TMEM132C: variants seen among roughly 807,000 people sequenced by gnomAD.
TMEM132C encodes protein phosphatase 1, regulatory subunit 152.
A neutral mutation model predicts 61.4 loss-of-function variants in TMEM132C; 29 were observed. The observed-to-expected ratio is 0.47, with a 90% confidence interval of 0.35 to 0.64. The LOEUF is 0.64. Among genes scored for constraint, TMEM132C ranks in the 30% least tolerant of loss-of-function variants. The probability of loss-of-function intolerance (pLI) is 0.00; values close to 1 mark genes in which losing one functional copy is unlikely to be tolerated. For missense variants in TMEM132C, 1,408 were observed against 1,476.9 expected (o/e 0.95, Z 0.76); for synonymous variants, 656 against 633.1 (o/e 1.04, Z -0.54).
chr12:128,350,344 T>G (rs190234935), intron 1 of TMEM132C, among the ~76,000 whole-genome samples: 1 of 150,988 alleles, frequency 6.6e-6, no homozygotes, highest in African/African-American at 2.4e-5. Flanking sequence ...GTGCTGGGAG[T>G]GAGAAGGGCT....
intron 4 of TMEM132C, among the ~76,000 whole-genome samples, chr12:128,617,726 A>T (rs1337110387): frequency 6.6e-6 from 1 of 151,992 alleles, no homozygotes; most frequent in Non-Finnish European, 1.5e-5. Context: ...AGGTGGGGCA[A>T]GTGTGGAATG....
At chr12:128,324,587 C>T (rs1480865143) in intron 1 of TMEM132C, among the ~76,000 whole-genome samples, 7 of 152,120 alleles carry the variant, frequency 4.6e-5, no homozygotes, top group Non-Finnish European at 5.9e-5. Context: ...GGGCCAAGGG[C>T]GGTGGCTCAC....
At chr12:128,639,296 ATGATGATGGTGATGATGGTATGATGG>A (rs1450173688) in intron 4 of TMEM132C, among the ~76,000 whole-genome samples, 1 of 148,810 alleles carries the variant, frequency 6.7e-6, no homozygotes, top group Non-Finnish European at 1.5e-5. Flanking sequence ...AATGGTGATG[ATGATGATGGTGATGATGGTATGATGG>A]TGATGATGGT....
At chr12:128,292,658 G>A (rs796765607) in intron 1 of TMEM132C, among the ~76,000 whole-genome samples, 26 of 85,536 alleles carry the variant, frequency 3.0e-4, no homozygotes, top group African/African-American at 1.1e-3. Flanking sequence ...TCCTAGATGA[G>A]GTATTCATAA....
intron 4 of TMEM132C, among the ~76,000 whole-genome samples, chr12:128,660,352 G>A (rs1417092615): frequency 2.0e-5 from 3 of 148,520 alleles, no homozygotes; most frequent in Non-Finnish European, 4.4e-5. Flanking sequence ...AGTTCTATAG[G>A]AGAAGTTTCT....
intron 4 of TMEM132C, among the ~76,000 whole-genome samples, chr12:128,642,988 T>C (rs1325603626): frequency 6.6e-6 from 1 of 152,186 alleles, no homozygotes; most frequent in Non-Finnish European, 1.5e-5. Context: ...GTTTGTGTCT[T>C]CTGATGCCCG....
intron 1 of TMEM132C, among the ~76,000 whole-genome samples, chr12:128,269,347 C>CGCGTGTGTGTGT (rs1555248769): frequency 7.0e-6 from 1 of 143,050 alleles, no homozygotes; most frequent in Admixed American, 6.9e-5. Context: ...GCTCACATTC[C>CGCGTGTGTGTGT]GTGTGTGTGT....
intron 3 of TMEM132C, among the ~76,000 whole-genome samples, chr12:128,571,639 AATCAC>A: frequency 6.6e-6 from 1 of 152,304 alleles, no homozygotes; most frequent in South Asian, 2.1e-4. Flanking sequence ...GTGTAAGAGG[AATCAC>A]ACAGTGTTTG....
intron 1 of TMEM132C, chr12:128,400,074 G>A (rs1473773797): frequency 2.0e-5 from 3 of 152,218 alleles, no homozygotes; most frequent in Non-Finnish European, 4.4e-5. Context: ...CCACAGTTTG[G>A]ATCAAGAAAG....
chr12:128,439,709 C>T (rs1252755282), intron 2 of TMEM132C, among the ~76,000 whole-genome samples: 1 of 152,094 alleles, frequency 6.6e-6, no homozygotes, highest in Non-Finnish European at 1.5e-5. Flanking sequence ...CTCTCCTAAG[C>T]AGTATTTTTA....
intron 1 of TMEM132C, among the ~76,000 whole-genome samples, chr12:128,296,249 TAAC>T (rs1871411014): frequency 6.6e-6 from 1 of 152,182 alleles, no homozygotes; most frequent in African/African-American, 2.4e-5. Context: ...CTGCAAGTAA[TAAC>T]AACACGAATA....
intron 1 of TMEM132C, among the ~76,000 whole-genome samples, chr12:128,397,888 AAC>A (rs1315706879): frequency 6.6e-6 from 1 of 152,126 alleles, no homozygotes; most frequent in African/African-American, 2.4e-5. Context: ...GAGTTTGATA[AAC>A]ACAGTTTAAT....
At position 128,616,321 on chromosome 12, in the gene TMEM132C, G is replaced by A. The variant is rs368246689; in HGVS notation, c.1291G>A (p.Val431Ile). 28 of 1,551,664 alleles carry A rather than the reference G, an allele frequency of 1.8e-5. No individual in the cohort carries two copies. The highest frequency in any genetic ancestry group is 2.4e-5 in the Non-Finnish European group (27 of 1,146,852). ...CAGCCAGAAGGACCTGGTGGGCATC[G>A]TTCCCTTGGCTATGGTGAGTCCTGA... ...FVSQKDLVGI[V>I]PLAMDTEILN... Residue 431 changes from valine to isoleucine, a missense_variant, in exon 4 of 9, where the codon GTT becomes ATT. By Grantham distance (29) the Val-to-Ile change is conservative. Transcript: ENST00000435159.
At chr12:128,685,463 C>G (rs1334176802) in intron 5 of TMEM132C, among the ~76,000 whole-genome samples, 1 of 152,216 alleles carries the variant, frequency 6.6e-6, no homozygotes, top group Non-Finnish European at 1.5e-5. Context: ...CTCCTTGTTC[C>G]TTGTGTCCCA....
At chr12:128,322,694 G>T (rs1872373684) in intron 1 of TMEM132C, among the ~76,000 whole-genome samples, 1 of 152,174 alleles carries the variant, frequency 6.6e-6, no homozygotes, top group African/African-American at 2.4e-5. Flanking sequence ...TGCCCCAAAA[G>T]ACCCTTGTGA....
chr12:128,506,678 T>G (rs753236917), intron 2 of TMEM132C, among the ~76,000 whole-genome samples: 24 of 152,194 alleles, frequency 1.6e-4, no homozygotes, highest in Non-Finnish European at 3.1e-4. Context: ...TCTCTGCTTC[T>G]GTTGGTAATG....
intron 1 of TMEM132C, among the ~76,000 whole-genome samples, chr12:128,327,302 G>T: frequency 6.7e-6 from 1 of 150,258 alleles, no homozygotes; most frequent in East Asian, 1.9e-4. Flanking sequence ...ACCATGGCCC[G>T]AGACACAGCC....
intron 2 of TMEM132C, among the ~76,000 whole-genome samples, chr12:128,525,346 C>CTCTCTCTCTCTCTCTCTT (rs1873050540): frequency 1.5e-5 from 2 of 133,886 alleles, no homozygotes; most frequent in African/African-American, 2.8e-5. Flanking sequence ...CTCTCTCTTT[C>CTCTCTCTCTCTCTCTCTT]TCTCTCTCTC....
chr12:128,287,514 T>C (rs1280457380), intron 1 of TMEM132C, among the ~76,000 whole-genome samples: 1 of 152,036 alleles, frequency 6.6e-6, no homozygotes, highest in African/African-American at 2.4e-5. Context: ...TATCTATATC[T>C]ATATCTATAT....
Sources: allele counts gnomAD v4.1 joint callset (sites outside exome capture counted in the v4.1 genomes callset), GRCh38; gene constraint gnomAD v4.1.1; transcripts MANE v1.5; gene names NCBI Gene and HGNC (gene_info 2026-07-23, HGNC 2026-07-21).